Variants in FUT8 observed in about 807,000 individuals in gnomAD.
The protein encoded by FUT8 is fucosyltransferase 8.
A neutral mutation model predicts 71.3 loss-of-function variants in FUT8; 29 were observed. The observed-to-expected ratio is 0.41, with a 90% confidence interval of 0.30 to 0.55. The LOEUF is 0.55. Among genes scored for constraint, FUT8 ranks in the 20% least tolerant of loss-of-function variants. FUT8 has a pLI of 0.34. For synonymous variants in FUT8, 254 were observed against 239.3 expected (o/e 1.06, Z -0.57); for missense variants, 544 against 702.1 (o/e 0.77, Z 2.55).
chr14:65,512,698 C>T (rs1257282767), intron 2 of FUT8, among the ~76,000 whole-genome samples: 1 of 151,844 alleles, frequency 6.6e-6, no homozygotes, highest in Non-Finnish European at 1.5e-5. Flanking sequence ...ATCATGAGGT[C>T]AAGAGTTCAA....
rs1470508235 is a variant in FUT8 at position 65,644,596 on chromosome 14, C to T, written c.597+14990C>T. Among the ~76,000 whole-genome samples, 7 of 151,980 alleles carry T rather than the reference C, an allele frequency of 4.6e-5. No homozygotes were observed. In the South Asian group the frequency reaches 6.3e-4, roughly 14 times the overall value. Reference sequence around the variant, plus strand: ...CAGGATGGTCTCGATCTCCTGACCTCGTGATCCGCCTGCCTCGGCCTCCCA... The same window carrying T: ...CAGGATGGTCTCGATCTCCTGACCTTGTGATCCGCCTGCCTCGGCCTCCCA... On this transcript the variant is annotated intron_variant, in intron 6 of 10. Transcript: ENST00000673929.
chr14:65,436,744 C>G (rs2065567644), intron 1 of FUT8, among the ~76,000 whole-genome samples: 1 of 152,042 alleles, frequency 6.6e-6, no homozygotes. Context: ...CAGGGGACAT[C>G]ATTCACATAA....
At chr14:65,682,325 G>T (rs1337268345) in intron 7 of FUT8, among the ~76,000 whole-genome samples, 1 of 152,154 alleles carries the variant, frequency 6.6e-6, no homozygotes, top group Non-Finnish European at 1.5e-5. Context: ...AACATAGTGA[G>T]ACCTGGTCTC....
the FUT8 span, among the ~76,000 whole-genome samples, chr14:65,394,679 T>A: frequency 6.6e-6 from 1 of 151,308 alleles, no homozygotes; most frequent in Non-Finnish European, 1.5e-5. Context: ...CCATTCCAAA[T>A]GGGAAAAATT....
At chr14:65,406,789 C>T (rs576839926), upstream of FUT8, among the ~76,000 whole-genome samples, 26 of 152,278 alleles carry the variant, frequency 1.7e-4, no homozygotes, top group African/African-American at 5.8e-4. Flanking sequence ...CTGCCCACAT[C>T]GGCCTCCCAA....
rs762714854 is a variant in FUT8, at chr14:65,724,219, T to C, written c.1155T>C (p.His385=). The C allele has an allele frequency of 1.2e-6, 2 of 1,613,670 alleles. No individual in the cohort carries two copies. Among genetic ancestry groups the C allele is most frequent in the Non-Finnish European group, 1.7e-6 (2 of 1,179,854 alleles). ...AFHPIEEYMV[H]VEEHFQLLAR... Reference sequence around the variant, plus strand: ...ATCCCATTGAAGAGTACATGGTGCATGTTGAAGAACATTTTCAGCTTCTTG... The same window carrying C: ...ATCCCATTGAAGAGTACATGGTGCACGTTGAAGAACATTTTCAGCTTCTTG... The change falls in exon 9 of 11, where the codon CAT becomes CAC. Residue 385 remains histidine (H), a synonymous_variant. Transcript: ENST00000673929.
intron 3 of FUT8, 99 bp from the exon 4 acceptor site, chr14:65,615,879 A>C (rs1326348330): frequency 3.8e-6 from 3 of 798,836 alleles, no homozygotes; most frequent in Non-Finnish European, 6.0e-6. Flanking sequence ...TGGTTCAACA[A>C]CTTATGGAGT....
intron 2 of FUT8, among the ~76,000 whole-genome samples, chr14:65,508,076 T>A (rs1221784387): frequency 9.3e-6 from 1 of 107,914 alleles, no homozygotes; most frequent in Non-Finnish European, 2.0e-5. Context: ...ACTTTTTTTT[T>A]TTTTTTTTTG....
the FUT8 span, among the ~76,000 whole-genome samples, chr14:65,396,480 G>T: frequency 6.6e-6 from 1 of 152,300 alleles, no homozygotes; most frequent in South Asian, 2.1e-4. The surrounding 1 kb of genome is among the most constrained non-coding windows in gnomAD (Gnocchi z 5.5). Flanking sequence ...ACAAAACGGG[G>T]TTTCCCCTTA....
At chr14:65,509,217 C>T (rs1245429100) in intron 2 of FUT8, among the ~76,000 whole-genome samples, 1 of 151,940 alleles carries the variant, frequency 6.6e-6, no homozygotes, top group East Asian at 1.9e-4. Context: ...GCACCTTTGT[C>T]AAAAATGAGT....
At chr14:65,621,934 C>T (rs747893123) in intron 5 of FUT8, among the ~76,000 whole-genome samples, 8 of 152,142 alleles carry the variant, frequency 5.3e-5, no homozygotes, top group African/African-American at 1.2e-4. Flanking sequence ...AAGCAATTCT[C>T]GTGCCCCAGC....
intron 5 of FUT8, among the ~76,000 whole-genome samples, chr14:65,625,392 A>G (rs1022859328): frequency 6.6e-6 from 1 of 152,204 alleles, no homozygotes; most frequent in Non-Finnish European, 1.5e-5. Flanking sequence ...TAGTCTACAT[A>G]ATAGTCCATA....
chr14:65,398,908 A>C, the FUT8 span, among the ~76,000 whole-genome samples: 1 of 152,172 alleles, frequency 6.6e-6, no homozygotes, highest in Non-Finnish European at 1.5e-5. Flanking sequence ...TGATTGGGAT[A>C]CAGTCAAGGA....
At chr14:65,536,646 T>C (rs904254965) in intron 2 of FUT8, among the ~76,000 whole-genome samples, 4 of 152,224 alleles carry the variant, frequency 2.6e-5, no homozygotes, top group Admixed American at 2.6e-4. Flanking sequence ...GGCTTCCTTT[T>C]GTAGGTGGCC....
In FUT8 at chr14:65,574,177, T is replaced by C. The variant is rs1393933542; in HGVS notation, c.203+12411T>C. Among the ~76,000 whole-genome samples the C allele has an allele frequency of 6.6e-6, 1 of 152,170 alleles. No individual in the cohort carries two copies. The highest frequency in any genetic ancestry group is 2.4e-5 in the African/African-American group (1 of 41,436). On this transcript the variant is annotated intron_variant, in intron 3 of 10. Coordinates refer to ENST00000673929, the MANE Select transcript of FUT8 (RefSeq NM_001371533.1). This position sits in a 1 kb window ranked among gnomAD's most constrained non-coding sequence, Gnocchi z 5.2. ...AGGCTGCCCTCAGTTCCTTTCCAAG[T>C]GGACCTCTCCAGAGGGCAGCTCACA...
At position 65,605,279 on chromosome 14, in the gene FUT8, G is replaced by A. The variant is rs138032882; in HGVS notation, c.204-10699G>A. Among the ~76,000 whole-genome samples the A allele has an allele frequency of 1.5e-3, 228 of 151,964 alleles. 2 individuals carry two copies. Among genetic ancestry groups the A allele is most frequent in the African/African-American group, 4.8e-3 (201 of 41,498 alleles). On this transcript the variant is annotated intron_variant, in intron 3 of 10. Coordinates refer to ENST00000673929, the MANE Select transcript of FUT8 (RefSeq NM_001371533.1). ...TCTAAACAAATTATTCTAATATTAC[G>A]TTCCTACCTTTAATGTATATGGGCT...
At chr14:65,392,414 G>A in the FUT8 span, among the ~76,000 whole-genome samples, 6 of 152,280 alleles carry the variant, frequency 3.9e-5, no homozygotes, top group South Asian at 4.1e-4. Flanking sequence ...TATAAAATCC[G>A]TGGCTCATTA....
intron 5 of FUT8, chr14:65,617,031 T>G: frequency 6.5e-7 from 1 of 1,536,882 alleles, no homozygotes; most frequent in Non-Finnish European, 8.7e-7. Context: ...AAAATCATTA[T>G]AAATACAGTG....
At chr14:65,591,138 A>G (rs1887663171) in intron 3 of FUT8, among the ~76,000 whole-genome samples, 2 of 152,160 alleles carry the variant, frequency 1.3e-5, no homozygotes, top group African/African-American at 2.4e-5. Flanking sequence ...TCCTTCACAC[A>G]AAGAATAGTG....
Sources: allele counts gnomAD v4.1 joint callset (sites outside exome capture counted in the v4.1 genomes callset), GRCh38; gene constraint gnomAD v4.1.1; non-coding constraint Gnocchi (gnomAD v3.1); transcripts MANE v1.5; gene names NCBI Gene and HGNC (gene_info 2026-07-23, HGNC 2026-07-21).